Variants in RIMBP2 observed in about 807,000 individuals in gnomAD.
RIMBP2 encodes RIMS-binding protein 2.
RIMBP2 carries 48 observed loss-of-function variants against 118.6 expected under a neutral mutation model. The ratio of observed to expected loss-of-function variants is 0.40; its 90% CI spans 0.32 to 0.51. The LOEUF (loss-of-function observed/expected upper bound fraction) is 0.51. Among genes scored for constraint, RIMBP2 ranks in the 20% least tolerant of loss-of-function variants. The probability of loss-of-function intolerance (pLI) is 0.41; values close to 1 mark genes in which losing one functional copy is unlikely to be tolerated. For missense variants in RIMBP2, 1,551 were observed against 1,768.3 expected (o/e 0.88, Z 2.20); for synonymous variants, 762 against 742.9 (o/e 1.03, Z -0.42).
At chr12:130,704,239 A>G (rs577130844) in intron 1 of RIMBP2, among the ~76,000 whole-genome samples, 17 of 152,052 alleles carry the variant, frequency 1.1e-4, no homozygotes, top group Non-Finnish European at 2.5e-4. Flanking sequence ...CCGCGTCCCA[A>G]AGCAGCTCTC....
At chr12:130,397,781 G>GT (rs2074176934) in intron 22 of RIMBP2, 2 of 341,164 alleles carry the variant, frequency 5.9e-6, no homozygotes, top group Non-Finnish European at 1.1e-5. Flanking sequence ...GGAGTGCGGG[G>GT]TGGCCGTTGC....
intron 19 of RIMBP2, among the ~76,000 whole-genome samples, chr12:130,408,207 T>C (rs2075360381): frequency 6.6e-6 from 1 of 152,178 alleles, no homozygotes; most frequent in Admixed American, 6.5e-5. Context: ...GGTTGTGACA[T>C]TGCTCTGGGA....
chr12:130,587,460 A>G (rs1437191824), intron 2 of RIMBP2, among the ~76,000 whole-genome samples: 4 of 83,686 alleles, frequency 4.8e-5, no homozygotes, highest in Admixed American at 1.4e-4. Context: ...CTGGATTAAG[A>G]AAATGTGGCA....
At chr12:130,524,226 T>C (rs2052506219) in intron 2 of RIMBP2, among the ~76,000 whole-genome samples, 1 of 152,150 alleles carries the variant, frequency 6.6e-6, no homozygotes, top group Non-Finnish European at 1.5e-5. Context: ...ATGCAATTAA[T>C]TCTTGTGTAA....
At chr12:130,504,607 A>T (rs1440205171) in intron 4 of RIMBP2, among the ~76,000 whole-genome samples, 2 of 152,190 alleles carry the variant, frequency 1.3e-5, no homozygotes, top group Non-Finnish European at 2.9e-5. Flanking sequence ...AGTCCTGCCA[A>T]CACCAGATCG....
At chr12:130,661,285 G>A (rs2063651848) in intron 1 of RIMBP2, among the ~76,000 whole-genome samples, 1 of 152,158 alleles carries the variant, frequency 6.6e-6, no homozygotes, top group African/African-American at 2.4e-5. Context: ...TAGCCAATCG[G>A]AGGGTATCAT....
chr12:130,423,002 A>G (rs1800631684), intron 16 of RIMBP2, among the ~76,000 whole-genome samples: 1 of 152,156 alleles, frequency 6.6e-6, no homozygotes, highest in East Asian at 1.9e-4. Flanking sequence ...TAAAAGTCGT[A>G]TGTGAGGTTT....
At chr12:130,575,289 C>T (rs1047185790) in intron 2 of RIMBP2, among the ~76,000 whole-genome samples, 1 of 141,470 alleles carries the variant, frequency 7.1e-6, no homozygotes, top group Non-Finnish European at 1.5e-5. Flanking sequence ...TGAGGAACAA[C>T]AGTGAACAGA....
intron 2 of RIMBP2, among the ~76,000 whole-genome samples, chr12:130,536,942 C>T (rs2054137475): frequency 6.6e-6 from 1 of 152,180 alleles, no homozygotes; most frequent in Non-Finnish European, 1.5e-5. Context: ...GAACCCCATT[C>T]TAATCACAGG....
In RIMBP2 at chr12:130,437,255, C is replaced by A; in HGVS notation, c.1693G>T (p.Ala565Ser). ...EVIFPTADST[A>S]VELVRLRSLE... ...CTCCGCAGCCGCACAAGCTCCACGGCCGTGCTGTCTGCCGTGGGGAAGATG... is the reference window on the plus strand; with the variant it reads ...CTCCGCAGCCGCACAAGCTCCACGGACGTGCTGTCTGCCGTGGGGAAGATG... The change falls in exon 13 of 23, where the codon GCC (alanine) becomes TCC (serine). Residue 565 changes from alanine to serine, a missense_variant. By Grantham distance (99) the Ala-to-Ser change is moderately conservative. This residue lies in a region of RIMBP2 where 1,038 missense variants were observed against 1,125.1 expected (regional missense o/e 0.92). Coordinates refer to ENST00000690449, the MANE Select transcript of RIMBP2 (RefSeq NM_001393629.1). The A allele has an allele frequency of 1.3e-6, 2 of 1,584,370 alleles. No individual in the cohort carries two copies. Among genetic ancestry groups the A allele is most frequent in the Non-Finnish European group, 1.7e-6 (2 of 1,172,162 alleles).
intron 17 of RIMBP2, among the ~76,000 whole-genome samples, chr12:130,418,921 C>T (rs1264771629): frequency 4.6e-5 from 7 of 152,180 alleles, no homozygotes; most frequent in African/African-American, 1.7e-4. Flanking sequence ...AGTCCCCCAA[C>T]GAAGGCTCCT....
chr12:130,580,978 T>C (rs932280970), intron 2 of RIMBP2, among the ~76,000 whole-genome samples: 7 of 152,056 alleles, frequency 4.6e-5, no homozygotes, highest in African/African-American at 9.7e-5. Flanking sequence ...TATGTATATA[T>C]AGATATATAT....
In RIMBP2 at chr12:130,688,131, C is replaced by T. The variant is rs1046240339; in HGVS notation, c.-352+28091G>A. Among the ~76,000 whole-genome samples, 18 of 152,196 alleles carry T rather than the reference C, an allele frequency of 1.2e-4. No homozygotes were observed. The highest frequency in any genetic ancestry group is 4.3e-4 in the African/African-American group (18 of 41,458). On this transcript the variant is annotated intron_variant, in intron 1 of 22. Transcript: ENST00000690449. The surrounding 1 kb of genome is among the most constrained non-coding windows in gnomAD (Gnocchi z 4.7). ...CACACTCGGTGACCAGGCTCTGATGCCATTCCAAGCATGGCCCCACAGCTC... is the reference window on the plus strand; with the variant it reads ...CACACTCGGTGACCAGGCTCTGATGTCATTCCAAGCATGGCCCCACAGCTC...
intron 2 of RIMBP2, among the ~76,000 whole-genome samples, chr12:130,536,434 T>C (rs2139457903): frequency 6.6e-6 from 1 of 152,236 alleles, no homozygotes; most frequent in South Asian, 2.1e-4. Context: ...CAAATCCCCC[T>C]CCGGTAATGG....
intron 4 of RIMBP2, among the ~76,000 whole-genome samples, chr12:130,493,958 C>G (rs1348024071): frequency 6.6e-6 from 1 of 152,194 alleles, no homozygotes; most frequent in Non-Finnish European, 1.5e-5. Context: ...GGTGGCCCGA[C>G]AGGCACTGGA....
intron 4 of RIMBP2, among the ~76,000 whole-genome samples, chr12:130,495,656 T>C (rs2049079223): frequency 6.6e-6 from 1 of 152,232 alleles, no homozygotes; most frequent in African/African-American, 2.4e-5. Flanking sequence ...GCATGGTACC[T>C]GGCTATCCTT....
intron 13 of RIMBP2, among the ~76,000 whole-genome samples, chr12:130,435,314 G>A (rs1419497947): frequency 2.0e-5 from 3 of 152,114 alleles, no homozygotes; most frequent in African/African-American, 7.2e-5. Flanking sequence ...AAACTACTGG[G>A]ATTACAGGCA....
intron 12 of RIMBP2, 30 bp downstream of exon 12, chr12:130,438,335 A>ACCGGGGGGCCCCCCCC: frequency 2.3e-6 from 2 of 865,012 alleles, no homozygotes; most frequent in East Asian, 2.8e-5. Context: ...GGCCTAACAA[A>ACCGGGGGGCCCCCCCC]CCCTCCCCAC....
At chr12:130,627,108 T>C (rs770176441) in intron 2 of RIMBP2, among the ~76,000 whole-genome samples, 1 of 152,020 alleles carries the variant, frequency 6.6e-6, no homozygotes, top group Non-Finnish European at 1.5e-5. Context: ...TCACTACAAC[T>C]ACCGCCAGCA....
Sources: gnomAD v4.1 joint callset for allele counts (sites outside exome capture counted in the v4.1 genomes callset) on GRCh38, gnomAD v4.1.1 for gene constraint, gnomAD v4.1.1 regional missense constraint, Gnocchi (gnomAD v3.1) non-coding constraint, MANE v1.5 for transcripts, NCBI Gene and HGNC (gene_info 2026-07-23, HGNC 2026-07-21) for gene names.